The following CPQ variants were observed in gnomAD, a reference collection of about 807,000 sequenced individuals.
The protein encoded by CPQ is Ser-Met dipeptidase.
Under a neutral mutation model 45.7 loss-of-function variants are expected in CPQ, and 37 were observed. The ratio of observed to expected loss-of-function variants is 0.81; its 90% confidence interval spans 0.62 to 1.07. CPQ has a LOEUF of 1.07. CPQ is among the 50% of genes least tolerant of loss of function. The pLI is 0.00. For synonymous variants in CPQ, 186 were observed against 205.8 expected (o/e 0.90, Z 0.82); for missense variants, 537 against 572.9 (o/e 0.94, Z 0.64).
At chr8:96,721,154 A>G (rs1162887687) in intron 1 of CPQ, among the ~76,000 whole-genome samples, 3 of 151,960 alleles carry the variant, frequency 2.0e-5, no homozygotes, top group Non-Finnish European at 4.4e-5. Context: ...TGAGGACCCC[A>G]TGTTGCATGG....
At chr8:96,769,579 G>A (rs536584388) in intron 1 of CPQ, among the ~76,000 whole-genome samples, 2 of 150,294 alleles carry the variant, frequency 1.3e-5, no homozygotes, top group South Asian at 2.1e-4. Flanking sequence ...TTTGCAAGCC[G>A]TAAATACAAA....
intron 4 of CPQ, among the ~76,000 whole-genome samples, chr8:96,884,524 G>GA (rs1812273688): frequency 6.6e-6 from 1 of 151,922 alleles, no homozygotes; most frequent in African/African-American, 2.4e-5. Flanking sequence ...AGAAGACAGA[G>GA]AAAAAAAGAC....
chr8:96,854,530 C>CAAAAAAAAAA (rs1156706371), intron 3 of CPQ, among the ~76,000 whole-genome samples: 6 of 8,696 alleles, frequency 6.9e-4, no homozygotes, highest in Non-Finnish European at 2.4e-3. Flanking sequence ...GACTCCGTCT[C>CAAAAAAAAAA]AAAAAAAAAA....
At chr8:96,922,981 CTT>C (rs1457361478) in intron 4 of CPQ, among the ~76,000 whole-genome samples, 1 of 152,144 alleles carries the variant, frequency 6.6e-6, no homozygotes, top group Non-Finnish European at 1.5e-5. Context: ...GATTAGCTGA[CTT>C]TTAAAATCAA....
rs776801209 is a variant in CPQ at position 96,785,094 on chromosome 8, G to A, written c.197G>A (p.Arg66Gln). Residue 66 changes from arginine to glutamine, a missense_variant, in exon 2 of 8, where the codon CGA becomes CAA. Transcript: ENST00000220763. ...YGKAQNRSYE[R>Q]LALLVDTVGP... ...AAAGCCCAGAACAGATCCTATGAGC[G>A]ATTGGCACTTCTGGTTGATACTGTT... 13 of 1,613,642 alleles carry A rather than the reference G, an allele frequency of 8.1e-6. No individual in the cohort carries two copies. The highest frequency in any genetic ancestry group is 3.3e-4 in the Middle Eastern group (2 of 6,076).
chr8:96,960,426 G>A (rs879848773), intron 4 of CPQ, among the ~76,000 whole-genome samples: 1 of 152,070 alleles, frequency 6.6e-6, no homozygotes, highest in Non-Finnish European at 1.5e-5. Context: ...GAACTCACTT[G>A]TAAAACTGTC....
At chr8:96,880,695 G>A (rs1812212613) in intron 4 of CPQ, among the ~76,000 whole-genome samples, 1 of 151,272 alleles carries the variant, frequency 6.6e-6, no homozygotes, top group Non-Finnish European at 1.5e-5. Flanking sequence ...CAAAAAGCAT[G>A]TTCTCACTTA....
At chr8:96,769,823 G>A (rs1037421577) in intron 1 of CPQ, among the ~76,000 whole-genome samples, 5 of 151,782 alleles carry the variant, frequency 3.3e-5, no homozygotes, top group Non-Finnish European at 7.4e-5. Flanking sequence ...TGGGGGGTGG[G>A]TAGAGATGGG....
At chr8:96,861,728 G>A (rs1319512613) in intron 3 of CPQ, among the ~76,000 whole-genome samples, 4 of 152,030 alleles carry the variant, frequency 2.6e-5, no homozygotes, top group African/African-American at 9.7e-5. Context: ...GGTACCCACA[G>A]GGATCATACA....
chr8:97,047,153 T>A (rs1810272499), intron 6 of CPQ, among the ~76,000 whole-genome samples: 1 of 152,252 alleles, frequency 6.6e-6, no homozygotes, highest in South Asian at 2.1e-4. Context: ...AAGTCATTGA[T>A]GATAGTAATG....
chr8:96,795,652 T>C (rs972875124), intron 2 of CPQ, among the ~76,000 whole-genome samples: 9 of 152,194 alleles, frequency 5.9e-5, no homozygotes, highest in Admixed American at 3.9e-4. Context: ...TTTTAATGGC[T>C]ACCAAATTTA....
chr8:96,902,664 C>T (rs1255595685), intron 4 of CPQ, among the ~76,000 whole-genome samples: 8 of 152,176 alleles, frequency 5.3e-5, no homozygotes, highest in East Asian at 1.9e-4. Flanking sequence ...CTATGTATCT[C>T]GGTCAGCAAG....
Position 96,779,386 on chromosome 8 carries a change from G to A in CPQ, c.-34-5478G>A, listed in dbSNP as rs114351894. On this transcript the variant is annotated intron_variant, in intron 1 of 7. Coordinates refer to ENST00000220763, the MANE Select transcript of CPQ (RefSeq NM_016134.4). ...TTATTTGCCTCTTAGACTGCATTTG[G>A]GTATTCCTCTTTGAGTTTCTATTTC... 5.2e-3 allele frequency among the ~76,000 whole-genome samples: 786 copies of A among 151,880 alleles called. 3 individuals carry two copies. The highest frequency in any genetic ancestry group is 0.015 in the African/African-American group (620 of 41,400).
chr8:96,698,397 A>G (rs1312405153), intron 1 of CPQ, among the ~76,000 whole-genome samples: 2 of 152,164 alleles, frequency 1.3e-5, no homozygotes, highest in African/African-American at 4.8e-5. Flanking sequence ...TGAAACTACT[A>G]TAAGAAAATA....
chr8:96,743,527 A>G (rs369869829), intron 1 of CPQ, among the ~76,000 whole-genome samples: 17 of 152,234 alleles, frequency 1.1e-4, no homozygotes, highest in Non-Finnish European at 2.1e-4. Context: ...GAGGAACTGC[A>G]TTCCTTTGGA....
intron 4 of CPQ, among the ~76,000 whole-genome samples, chr8:96,914,766 C>A (rs1263761124): frequency 1.3e-5 from 2 of 152,118 alleles, no homozygotes; most frequent in Non-Finnish European, 2.9e-5. Flanking sequence ...GCACACCGAA[C>A]AGGAAGTGGC....
chr8:97,135,901 T>C (rs376871751), intron 7 of CPQ, among the ~76,000 whole-genome samples: 1 of 152,244 alleles, frequency 6.6e-6, no homozygotes, highest in South Asian at 2.1e-4. Context: ...TTTGTGTACA[T>C]GAAAACTCAC....
chr8:96,747,696 A>C (rs1195834603), intron 1 of CPQ, among the ~76,000 whole-genome samples: 3 of 152,158 alleles, frequency 2.0e-5, no homozygotes, highest in Non-Finnish European at 4.4e-5. Context: ...CTCTTATGGC[A>C]AGTGAGGGGT....
intron 1 of CPQ, among the ~76,000 whole-genome samples, chr8:96,668,127 T>C (rs1808950337): frequency 6.6e-6 from 1 of 152,220 alleles, no homozygotes; most frequent in African/African-American, 2.4e-5. Context: ...TTGGATTGAT[T>C]GGACTGACAG....
Sources: allele counts gnomAD v4.1 joint callset (sites outside exome capture counted in the v4.1 genomes callset), GRCh38; gene constraint gnomAD v4.1.1; transcripts MANE v1.5; gene names NCBI Gene and HGNC (gene_info 2026-07-23, HGNC 2026-07-21).